Variants in ALPK2 observed in about 807,000 individuals in gnomAD.
ALPK2 encodes alpha-protein kinase 2.
Under a neutral mutation model 163.1 loss-of-function variants are expected in ALPK2, and 127 were observed. The ratio of observed to expected loss-of-function variants is 0.78; its 90% CI spans 0.67 to 0.90. The LOEUF (loss-of-function observed/expected upper bound fraction) is 0.90, where lower values mean the gene tolerates loss of function less well. Ranked by LOEUF, ALPK2 falls within the 40% of genes least tolerant of loss-of-function variation. The probability of loss-of-function intolerance (pLI) is 0.00; values close to 1 mark genes in which losing one functional copy is unlikely to be tolerated. For missense variants in ALPK2, 2,360 were observed against 2,589.6 expected (o/e 0.91, Z 1.92); for synonymous variants, 953 against 959.1 (o/e 0.99, Z 0.12).
chr18:58,529,277 C>G, intron 5 of ALPK2, 39 bp from the exon 6 acceptor site: 1 of 1,571,314 alleles, frequency 6.4e-7, no homozygotes, highest in African/African-American at 1.4e-5. Flanking sequence ...TAACAAAAGA[C>G]TTTCCCATTT....
At chr18:58,565,932 C>T (rs2051850664) in intron 4 of ALPK2, among the ~76,000 whole-genome samples, 2 of 152,092 alleles carry the variant, frequency 1.3e-5, no homozygotes, top group South Asian at 4.1e-4. Flanking sequence ...CAGGCGTGCA[C>T]CACCACGCCC....
At chr18:58,552,139 G>T (rs1168760873) in intron 4 of ALPK2, among the ~76,000 whole-genome samples, 1 of 152,108 alleles carries the variant, frequency 6.6e-6, no homozygotes, top group Non-Finnish European at 1.5e-5. Context: ...TACCTGTGCT[G>T]ACTCAGAAAG....
In ALPK2 at chr18:58,609,391, A is replaced by C. The variant is rs114549466; in HGVS notation, c.110-1952T>G. Among the ~76,000 whole-genome samples the C allele has an allele frequency of 3.0e-3, 457 of 152,350 alleles. 2 individuals carry two copies. Among genetic ancestry groups the C allele is most frequent in the African/African-American group, 0.011 (437 of 41,576 alleles). ...TAATTCATTTCTGCCTGTTCTTGTC[A>C]ACCCTGTGTCCTCCTTTAAGACTGT... On this transcript the variant is annotated intron_variant, in intron 2 of 12. Transcript: ENST00000361673.
At chr18:58,500,536 A>G (rs1334082558) in intron 11 of ALPK2, among the ~76,000 whole-genome samples, 1 of 152,246 alleles carries the variant, frequency 6.6e-6, no homozygotes, top group Admixed American at 6.5e-5. Flanking sequence ...GTCTAAAGTT[A>G]AATCCTAGTG....
intron 12 of ALPK2, among the ~76,000 whole-genome samples, chr18:58,485,551 A>G (rs189060214): frequency 6.6e-6 from 1 of 152,350 alleles, no homozygotes; most frequent in African/African-American, 2.4e-5. Flanking sequence ...GGTTTCTAAA[A>G]GCCAAGCTTT....
At chr18:58,627,790 G>A (rs77277831) in intron 1 of ALPK2, among the ~76,000 whole-genome samples, 1 of 152,124 alleles carries the variant, frequency 6.6e-6, no homozygotes, top group Non-Finnish European at 1.5e-5. Flanking sequence ...GATTCGGAAG[G>A]TAACCCACAA....
intron 3 of ALPK2, among the ~76,000 whole-genome samples, chr18:58,602,597 C>T (rs1045632146): frequency 1.3e-5 from 2 of 152,072 alleles, no homozygotes; most frequent in African/African-American, 4.8e-5. Context: ...CTCTGTTTTC[C>T]CTTTTTAAAA....
chr18:58,493,935 C>A (rs1232529507), intron 12 of ALPK2, among the ~76,000 whole-genome samples: 23 of 152,118 alleles, frequency 1.5e-4, no homozygotes, highest in Admixed American at 1.5e-3. Flanking sequence ...AGGAAATTGG[C>A]TTTTTAGGGG....
chr18:58,577,316 A>G (rs1254105728), intron 4 of ALPK2, among the ~76,000 whole-genome samples: 1 of 152,218 alleles, frequency 6.6e-6, no homozygotes, highest in Admixed American at 6.5e-5. Context: ...GTCAGTAAAT[A>G]GGTAAATAGC....
chr18:58,483,977 G>C (rs528900508), intron 12 of ALPK2, among the ~76,000 whole-genome samples: 2 of 152,152 alleles, frequency 1.3e-5, no homozygotes, highest in African/African-American at 4.8e-5. Context: ...CACACACACA[G>C]TCTGACATCT....
At chr18:58,594,626 A>G (rs781435332) in intron 3 of ALPK2, among the ~76,000 whole-genome samples, 17 of 152,184 alleles carry the variant, frequency 1.1e-4, no homozygotes, top group Non-Finnish European at 2.2e-4. Flanking sequence ...CTAATTCATC[A>G]AACACCCAGC....
chr18:58,519,201 T>C (rs923106771), intron 8 of ALPK2, among the ~76,000 whole-genome samples: 1 of 152,222 alleles, frequency 6.6e-6, no homozygotes, highest in African/African-American at 2.4e-5. Flanking sequence ...AAAAAATTAA[T>C]TGATGGAGAA....
At chr18:58,577,197 C>G (rs780837850) in intron 4 of ALPK2, among the ~76,000 whole-genome samples, 1 of 152,202 alleles carries the variant, frequency 6.6e-6, no homozygotes, top group Non-Finnish European at 1.5e-5. Flanking sequence ...CAGTTTAGGT[C>G]ACAAGCTGAG....
At chr18:58,489,589 A>G (rs1017782238) in intron 12 of ALPK2, among the ~76,000 whole-genome samples, 6 of 152,084 alleles carry the variant, frequency 3.9e-5, no homozygotes, top group Non-Finnish European at 8.8e-5. Context: ...TGGGAGGCTG[A>G]GGCAGGAGGA....
chr18:58,604,509 GT>G (rs1329609303), intron 3 of ALPK2, among the ~76,000 whole-genome samples: 1 of 152,172 alleles, frequency 6.6e-6, no homozygotes, highest in Non-Finnish European at 1.5e-5. Flanking sequence ...GCATCAGTGG[GT>G]TTTAAAGTCT....
chr18:58,529,086 C>A lies in ALPK2; in HGVS notation c.5501+5G>T. 3 of 1,614,022 alleles carry A rather than the reference C, an allele frequency of 1.9e-6. No individual in the cohort carries two copies. The highest frequency in any genetic ancestry group is 2.5e-6 in the Non-Finnish European group (3 of 1,179,946). On this transcript the variant is annotated splice_donor_5th_base_variant and intron_variant, in intron 6 of 12. Transcript: ENST00000361673. ...GTGAAAAGTAACCAGGGAAAAACAT[C>A]GCACCTTCTCTGCACTTGGGCTATG...
In ALPK2 at chr18:58,536,178, TG is replaced by T. The variant is rs2051646001; in HGVS notation, c.4008del (p.Arg1337AspfsTer10). 1 of 1,614,186 alleles carries T rather than the reference TG, an allele frequency of 6.2e-7. No homozygotes were observed. The stretch of plus-strand genomic sequence containing the variant: ...GGGTCCACGGATGACTCCAGGAGTC[TG>T]GGTTGGCTGAAACCCCGGGAAGAAA... ...RSLSSRGFSQ[P>X]RLLESSVDPV... On this transcript the variant is annotated frameshift_variant, in exon 5 of 13. Transcript: ENST00000361673.
At chr18:58,575,594 G>A (rs538920210) in intron 4 of ALPK2, among the ~76,000 whole-genome samples, 20 of 152,322 alleles carry the variant, frequency 1.3e-4, no homozygotes, top group African/African-American at 4.6e-4. Context: ...CCCTAGTGTG[G>A]CTGCCGAGAA....
At chr18:58,542,832 G>T (rs2051696991) in intron 4 of ALPK2, among the ~76,000 whole-genome samples, 1 of 152,194 alleles carries the variant, frequency 6.6e-6, no homozygotes, top group Non-Finnish European at 1.5e-5. Flanking sequence ...GGGAGTCTGG[G>T]CATGGGTGGT....
Sources: gnomAD v4.1 joint callset for allele counts (sites outside exome capture counted in the v4.1 genomes callset) on GRCh38, gnomAD v4.1.1 for gene constraint, MANE v1.5 for transcripts, NCBI Gene and HGNC (gene_info 2026-07-23, HGNC 2026-07-21) for gene names.